The following RAD17 variants were observed in gnomAD, a reference collection of about 807,000 sequenced individuals.
RAD17 encodes cell cycle checkpoint protein RAD17.
In RAD17, 31 loss-of-function variants were observed where a neutral mutation model predicts 81.5. The observed-to-expected ratio is 0.38, with a 90% CI of 0.29 to 0.51. The LOEUF (loss-of-function observed/expected upper bound fraction) is 0.51. RAD17 is among the 20% of genes least tolerant of loss of function. The probability of loss-of-function intolerance (pLI) is 0.88; values close to 1 mark genes in which losing one functional copy is unlikely to be tolerated. For missense variants in RAD17, 681 were observed against 781.2 expected (o/e 0.87, Z 1.53); for synonymous variants, 261 against 266.2 (o/e 0.98, Z 0.19).
At chr5:69,388,168 T>C (rs754763726) in intron 11 of RAD17, among the ~76,000 whole-genome samples, 23 of 150,526 alleles carry the variant, frequency 1.5e-4, no homozygotes, top group Non-Finnish European at 7.4e-5. Flanking sequence ...TGTGATATAG[T>C]AAGACCTTGT....
intron 18 of RAD17, among the ~76,000 whole-genome samples, chr5:69,411,854 T>TATTG (rs1370929057): frequency 6.6e-6 from 1 of 152,246 alleles, no homozygotes; most frequent in African/African-American, 2.4e-5. Context: ...TCCTGAGATG[T>TATTG]ATTGAGTTGC....
Position 69,393,189 on chromosome 5 carries a change from G to A in RAD17, c.1224G>A (p.Leu408=), listed in dbSNP as rs765271648. 1 of 1,611,492 alleles carries A rather than the reference G, an allele frequency of 6.2e-7. No homozygotes were observed. The highest frequency in any genetic ancestry group is 1.7e-5 in the Admixed American group (1 of 59,738). The part of the protein sequence containing the change: ...ASLTELDSPR[L]PSHLSEYERD... Reference sequence around the variant, plus strand: ...TAACAGAATTAGACTCACCTCGGTTGCCCTCTCATTTATCAGAATATGAAC... The same window carrying A: ...TAACAGAATTAGACTCACCTCGGTTACCCTCTCATTTATCAGAATATGAAC... The change falls in exon 14 of 19, where the codon TTG becomes TTA. Residue 408 remains leucine, a synonymous_variant. Transcript: ENST00000354868.
At chr5:69,378,386 AC>A (rs537218328) in intron 6 of RAD17, among the ~76,000 whole-genome samples, 50 of 152,198 alleles carry the variant, frequency 3.3e-4, no homozygotes, top group Non-Finnish European at 6.6e-4. Context: ...TAGTTCTCTT[AC>A]TGGAAGGGAA....
Position 69,414,258 on chromosome 5 carries a change from T to C in RAD17, c.1979T>C (p.Ile660Thr). The change falls in exon 19 of 19, where the codon ATA becomes ACA. Residue 660 changes from isoleucine (I) to threonine (T), a missense_variant. By Grantham distance (89) the Ile-to-Thr change is moderately conservative (BLOSUM62 -1). Coordinates refer to ENST00000354868, the MANE Select transcript of RAD17 (RefSeq NM_133338.3). The stretch of plus-strand genomic sequence containing the variant: ...GCCCAAGGAGACATGGAAGAAAACA[T>C]AATAATAGAAGACTACGAGAGTGAT... ...FSAQGDMEEN[I>T]IIEDYESDGT 1 of 1,614,114 alleles carries C rather than the reference T, an allele frequency of 6.2e-7. No individual in the cohort carries two copies. The highest frequency in any genetic ancestry group is 8.5e-7 in the Non-Finnish European group (1 of 1,179,940).
intron 6 of RAD17, among the ~76,000 whole-genome samples, 174 bp from the exon 7 acceptor site, chr5:69,381,723 AAAAG>A (rs1192505416): frequency 6.6e-6 from 1 of 152,206 alleles, no homozygotes; most frequent in Admixed American, 6.5e-5. Flanking sequence ...CAATTTTTAA[AAAAG>A]AAAAAAATAA....
chr5:69,398,696 C>T (rs989542681), intron 16 of RAD17, among the ~76,000 whole-genome samples: 1 of 151,534 alleles, frequency 6.6e-6, no homozygotes, highest in African/African-American at 2.4e-5. Context: ...ATCCCAGCTA[C>T]TCAGGAGGCC....
intron 4 of RAD17, 44 bp from the exon 5 acceptor site, chr5:69,373,785 TG>T: frequency 6.5e-7 from 1 of 1,527,858 alleles, no homozygotes; most frequent in Non-Finnish European, 8.9e-7. Flanking sequence ...GGGGAATAGA[TG>T]GGAGAAAATG....
rs373275609 is a variant in RAD17, at chr5:69,399,867, C to T, written c.1573-182C>T. Among the ~76,000 whole-genome samples, 14 of 151,620 alleles carry T rather than the reference C, an allele frequency of 9.2e-5. No individual in the cohort carries two copies. In the East Asian group the frequency reaches 2.1e-3, roughly 23 times the overall value. ...TGTGTAGGTAAAATACTTTATTAAA[C>T]GATGCTAAAAAAACTATAAAGGACT... On this transcript the variant is annotated intron_variant, in intron 16 of 18. Coordinates refer to ENST00000354868, the MANE Select transcript of RAD17 (RefSeq NM_133338.3).
At position 69,414,275 on chromosome 5, in the gene RAD17, G is replaced by C; in HGVS notation, c.1996G>C (p.Glu666Gln). 6.2e-7 allele frequency: 1 copy of C among 1,614,094 alleles called. No individual in the cohort carries two copies. Among genetic ancestry groups the C allele is most frequent in the Non-Finnish European group, 8.5e-7 (1 of 1,179,956 alleles). The change falls in exon 19 of 19, where the codon GAG becomes CAG. Residue 666 changes from glutamate to glutamine, a missense_variant. Glu to Gln is a conservative substitution (Grantham distance 29). Transcript: ENST00000354868. The stretch of plus-strand genomic sequence containing the variant: ...AGAAAACATAATAATAGAAGACTAC[G>C]AGAGTGATGGGACATAGAAGCCAGC... The part of the protein sequence containing the change: ...MEENIIIEDY[E>Q]SDGT
upstream of RAD17, chr5:69,369,612 C>G: frequency 6.3e-7 from 1 of 1,578,328 alleles, no homozygotes; most frequent in Non-Finnish European, 8.6e-7. Context: ...CCCACCGCGG[C>G]GCCCCTAGCC....
Position 69,393,362 on chromosome 5 carries a change from A to G in RAD17, c.1284A>G (p.Val428=). 6.3e-7 allele frequency: 1 copy of G among 1,592,222 alleles called. No homozygotes were observed. Among genetic ancestry groups the G allele is most frequent in the Non-Finnish European group, 8.6e-7 (1 of 1,169,072 alleles). ...DTLLVEPEEV[V]EMSHMPGDLF... The stretch of plus-strand genomic sequence containing the variant: ...TATGCTTCTTTTTATAGGAGGTAGT[A>G]GAAATGTCACACATGCCTGGAGACT... Residue 428 remains valine, a synonymous_variant, in exon 15 of 19, where the codon GTA becomes GTG. Transcript: ENST00000354868.
In RAD17 at chr5:69,386,238, G is replaced by A; in HGVS notation, c.757G>A (p.Gly253Arg). The A allele has an allele frequency of 6.2e-7, 1 of 1,608,048 alleles. No homozygotes were observed. The highest frequency in any genetic ancestry group is 8.5e-7 in the Non-Finnish European group (1 of 1,176,292). The change falls in exon 10 of 19, where the codon GGA becomes AGA. Residue 253 changes from glycine to arginine, a missense_variant. Coordinates refer to ENST00000354868, the MANE Select transcript of RAD17 (RefSeq NM_133338.3). Reference sequence around the variant, plus strand: ...ATTTATAATCTCGGACAGTCTCAGTGGAGATAATAATCAAAGGTTATTGTT... The same window carrying A: ...ATTTATAATCTCGGACAGTCTCAGTAGAGATAATAATCAAAGGTTATTGTT... ...LIFIISDSLSGDNNQRLLFPK... is the reference protein window; with the variant it reads ...LIFIISDSLSRDNNQRLLFPK...
At chr5:69,373,710 T>TAGTTTTAAAGGTTATAAATATATGAA in intron 4 of RAD17, 120 bp from the exon 5 acceptor site, 1 of 495,420 alleles carries the variant, frequency 2.0e-6, no homozygotes, top group South Asian at 4.2e-5. Flanking sequence ...TTTTTTTTTT[T>TAGTTTTAAAGGTTATAAATATATGAA]TTTTTTAAGT....
intron 18 of RAD17, among the ~76,000 whole-genome samples, chr5:69,411,669 T>C (rs112299672): frequency 2.9e-4 from 44 of 152,232 alleles, no homozygotes; most frequent in African/African-American, 9.2e-4. Context: ...TGGATGGATC[T>C]TGAAGCATCG....
Position 69,374,051 on chromosome 5 carries a change from T to A in RAD17, c.231T>A (p.Asn77Lys). ...ATTCAAAAGAATATCTGTCTGAAAA[T>A]GAACCATGGGTGGATAAATATAAAC... Reference protein sequence around the residue: ...LENSKEYLSENEPWVDKYKPE... With the variant: ...LENSKEYLSEKEPWVDKYKPE... Residue 77 changes from asparagine to lysine, a missense_variant, in exon 5 of 19, where the codon AAT becomes AAA. Coordinates refer to ENST00000354868, the MANE Select transcript of RAD17 (RefSeq NM_133338.3). 1 of 1,610,980 alleles carries A rather than the reference T, an allele frequency of 6.2e-7. No individual in the cohort carries two copies. Among genetic ancestry groups the A allele is most frequent in the Non-Finnish European group, 8.5e-7 (1 of 1,178,082 alleles).
intron 16 of RAD17, among the ~76,000 whole-genome samples, chr5:69,396,935 C>T (rs982682142): frequency 2.0e-5 from 3 of 152,164 alleles, no homozygotes; most frequent in African/African-American, 7.2e-5. Flanking sequence ...CGGGTTCAAG[C>T]AGTTCTCCTG....
chr5:69,410,377 C>A (rs1765890986), intron 17 of RAD17, 116 bp from the exon 18 acceptor site: 1 of 741,566 alleles, frequency 1.3e-6, no homozygotes, highest in Non-Finnish European at 2.2e-6. Context: ...CTCACTATGG[C>A]TTGGATTTGC....
rs1561238666 is a variant in RAD17, at chr5:69,377,452, T to TACACACACAC, written c.351+2742_351+2743insCACACACACA. ...GTGTGTGTGTGTGTATATATATATATATATATATATATATATATATATACA... is the reference window on the plus strand; with the variant it reads ...GTGTGTGTGTGTGTATATATATATATACACACACACATATATATATATATATATATATACA... On this transcript the variant is annotated intron_variant, in intron 6 of 18. Transcript: ENST00000354868. 1.7e-3 allele frequency among the ~76,000 whole-genome samples: 86 copies of TACACACACAC among 52,108 alleles called. 3 individuals carry two copies. The highest frequency in any genetic ancestry group is 5.2e-3 in the African/African-American group (79 of 15,338). 34.2% of individuals were successfully genotyped at this position (52,108 alleles called of 152,430 possible).
At chr5:69,400,837 G>A (rs1765221293) in intron 17 of RAD17, among the ~76,000 whole-genome samples, 1 of 152,020 alleles carries the variant, frequency 6.6e-6, no homozygotes, top group East Asian at 1.9e-4. Context: ...GGGAGGCTGA[G>A]GCAGGAGAAT....
Sources: allele counts gnomAD v4.1 joint callset (sites outside exome capture counted in the v4.1 genomes callset), GRCh38; gene constraint gnomAD v4.1.1; transcripts MANE v1.5; gene names NCBI Gene and HGNC (gene_info 2026-07-23, HGNC 2026-07-21).